Variants in EPHA3 observed in about 807,000 individuals in gnomAD.
EPHA3 encodes EPH receptor A3, also known as ephrin type-A receptor 3.
In EPHA3, 42 loss-of-function variants were observed where a neutral mutation model predicts 107.1. The observed-to-expected ratio is 0.39, with a 90% CI of 0.31 to 0.51. EPHA3 has a LOEUF of 0.51. Ranked by LOEUF, EPHA3 falls within the 20% of genes least tolerant of loss-of-function variation. EPHA3 has a pLI of 0.78. For missense variants in EPHA3, 1,183 were observed against 1,211.2 expected (o/e 0.98, Z 0.35); for synonymous variants, 461 against 424.8 (o/e 1.09, Z -1.05).
At chr3:89,324,295 G>A (rs558648357) in intron 3 of EPHA3, among the ~76,000 whole-genome samples, 1 of 150,958 alleles carries the variant, frequency 6.6e-6, no homozygotes, top group African/African-American at 2.4e-5. Flanking sequence ...AGCCTCCCAA[G>A]TAGCTGGGAT....
At chr3:89,134,874 A>C (rs1033398866) in intron 2 of EPHA3, among the ~76,000 whole-genome samples, 1 of 152,194 alleles carries the variant, frequency 6.6e-6, no homozygotes, top group Non-Finnish European at 1.5e-5. Context: ...GTCTAACATC[A>C]TTTCCATCGT....
At chr3:89,343,626 T>C (rs1402284226) in intron 5 of EPHA3, among the ~76,000 whole-genome samples, 14 of 152,226 alleles carry the variant, frequency 9.2e-5, no homozygotes, top group Admixed American at 4.6e-4. Context: ...CATATTCAAA[T>C]ATGTATCTTT....
intron 5 of EPHA3, among the ~76,000 whole-genome samples, chr3:89,379,852 A>T (rs1409250636): frequency 6.6e-6 from 1 of 152,214 alleles, no homozygotes; most frequent in Non-Finnish European, 1.5e-5. Context: ...GCTCTGAGCT[A>T]ATTTCCAAAA....
At chr3:89,435,794 A>G (rs1185085562) in intron 13 of EPHA3, among the ~76,000 whole-genome samples, 5 of 150,378 alleles carry the variant, frequency 3.3e-5, no homozygotes, top group African/African-American at 1.2e-4. Context: ...GTCTACTAAA[A>G]ATACAAAAAT....
chr3:89,204,986 C>A (rs1175882180), intron 2 of EPHA3, among the ~76,000 whole-genome samples: 1 of 152,234 alleles, frequency 6.6e-6, no homozygotes, highest in Non-Finnish European at 1.5e-5. Context: ...TCTTATAAAC[C>A]ATTGAAATGC....
Position 89,368,813 on chromosome 3 carries a change from GAAAAAAC to G in EPHA3, c.1306+26745_1306+26751del, listed in dbSNP as rs376148145. On this transcript the variant is annotated intron_variant, in intron 5 of 16. Transcript: ENST00000336596. The stretch of plus-strand genomic sequence containing the variant: ...AGAAACACCCCCATAGATTCACCCA[GAAAAAAC>G]AAAAAACAAAAAACAAAAAACGCTT... Among the ~76,000 whole-genome samples the G allele has an allele frequency of 4.8e-3, 713 of 149,636 alleles. 20 individuals are homozygous for G. The highest frequency in any genetic ancestry group is 0.017 in the Middle Eastern group (5 of 290).
In EPHA3 at chr3:89,191,360, G is replaced by A. The variant is rs532456552; in HGVS notation, c.154-18500G>A. ...CTCTCTGCGTCGCCCAGGCTGGAGT[G>A]CTGTGGCACGATCTCGGCTCACTGC... On this transcript the variant is annotated intron_variant, in intron 2 of 16. Transcript: ENST00000336596. Among the ~76,000 whole-genome samples the A allele has an allele frequency of 4.0e-5, 6 of 151,642 alleles. No homozygotes were observed. In the East Asian group the frequency reaches 1.2e-3, roughly 30 times the overall value.
intron 2 of EPHA3, among the ~76,000 whole-genome samples, chr3:89,130,871 C>T (rs1327172419): frequency 1.3e-5 from 2 of 152,098 alleles, no homozygotes; most frequent in African/African-American, 4.8e-5. Flanking sequence ...CTCCTGACCT[C>T]GTGATCCGCC....
At chr3:89,373,859 A>C (rs1476230213) in intron 5 of EPHA3, among the ~76,000 whole-genome samples, 1 of 151,838 alleles carries the variant, frequency 6.6e-6, no homozygotes, top group Non-Finnish European at 1.5e-5. Context: ...TGAGATGTAG[A>C]GGATAAGGTC....
Position 89,176,497 on chromosome 3 carries a change from T to TAA in EPHA3, c.154-33340_154-33339dup, listed in dbSNP as rs55877149. ...GGGTGACAGAGCAAGATTCCATCTC[T>TAA]AAAAAAAAAAAAAAAAAAAAAAAAT... is the stretch of plus-strand genomic sequence containing the variant. On this transcript the variant is annotated intron_variant, in intron 2 of 16. Coordinates refer to ENST00000336596, the MANE Select transcript of EPHA3 (RefSeq NM_005233.6). Among the ~76,000 whole-genome samples, 340 of 100,532 alleles carry TAA rather than the reference T, an allele frequency of 3.4e-3. 1 individual carries two copies. The highest frequency in any genetic ancestry group is 0.01 in the African/African-American group (272 of 26,206). 66.0% of individuals were successfully genotyped at this position (100,532 alleles called of 152,430 possible). A position where few individuals can be genotyped will look rare whatever the true frequency, so the allele number is the denominator to read the frequency against.
At chr3:89,111,742 A>T (rs1366719188) in intron 1 of EPHA3, among the ~76,000 whole-genome samples, 1 of 152,132 alleles carries the variant, frequency 6.6e-6, no homozygotes, top group Non-Finnish European at 1.5e-5. Context: ...AAATTAATTC[A>T]TTCTGAATCT....
intron 5 of EPHA3, among the ~76,000 whole-genome samples, chr3:89,359,077 T>C (rs1268145701): frequency 6.6e-6 from 1 of 151,166 alleles, no homozygotes; most frequent in Admixed American, 6.6e-5. Context: ...TCTAGTTAAA[T>C]AGACAGTTAC....
intron 2 of EPHA3, among the ~76,000 whole-genome samples, chr3:89,149,982 T>C (rs1211069952): frequency 6.6e-6 from 1 of 151,986 alleles, no homozygotes; most frequent in East Asian, 1.9e-4. Context: ...TGTGTACAAG[T>C]ACCAGCTTGT....
At chr3:89,211,434 A>T (rs1313958669) in intron 3 of EPHA3, among the ~76,000 whole-genome samples, 6 of 152,048 alleles carry the variant, frequency 3.9e-5, no homozygotes, top group Non-Finnish European at 1.5e-5. Context: ...AGGAGAAGTT[A>T]AGTATATTGT....
At chr3:89,141,026 G>T (rs759973007) in intron 2 of EPHA3, among the ~76,000 whole-genome samples, 15 of 151,608 alleles carry the variant, frequency 9.9e-5, no homozygotes, top group Non-Finnish European at 1.6e-4. Flanking sequence ...AAGGCCCAAA[G>T]AATTTAAATA....
intron 1 of EPHA3, among the ~76,000 whole-genome samples, chr3:89,119,069 T>C (rs1707319676): frequency 6.6e-6 from 1 of 152,052 alleles, no homozygotes; most frequent in Non-Finnish European, 1.5e-5. Context: ...CCCAGATTTA[T>C]TTTTAACTGC....
chr3:89,413,334 C>G, intron 10 of EPHA3, 68 bp downstream of exon 10: 1 of 1,569,496 alleles, frequency 6.4e-7, no homozygotes, highest in Non-Finnish European at 8.8e-7. Flanking sequence ...TCTCTGAAAC[C>G]TAAGTATATT....
intron 11 of EPHA3, among the ~76,000 whole-genome samples, chr3:89,424,690 AAAAC>A (rs1414409723): frequency 6.6e-6 from 1 of 151,388 alleles, no homozygotes; most frequent in Non-Finnish European, 1.5e-5. Context: ...AAAGGAGAAA[AAAAC>A]AAAACTTTTT....
intron 1 of EPHA3, among the ~76,000 whole-genome samples, chr3:89,121,215 G>A (rs1477631759): frequency 1.3e-5 from 2 of 151,654 alleles, no homozygotes; most frequent in Non-Finnish European, 2.9e-5. Context: ...CAGCCTGGGC[G>A]ACAGAGCGAG....
Sources: gnomAD v4.1 joint callset for allele counts (sites outside exome capture counted in the v4.1 genomes callset) on GRCh38, gnomAD v4.1.1 for gene constraint, MANE v1.5 for transcripts, NCBI Gene and HGNC (gene_info 2026-07-23, HGNC 2026-07-21) for gene names.